Variants in TJP1 observed in about 807,000 individuals in gnomAD.
TJP1 encodes the protein tight junction protein ZO-1.
TJP1 carries 43 observed loss-of-function variants against 194.2 expected under a neutral mutation model. The ratio of observed to expected loss-of-function variants is 0.22; its 90% CI spans 0.17 to 0.29. The LOEUF (loss-of-function observed/expected upper bound fraction) is 0.29. Among genes scored for constraint, TJP1 ranks in the 10% least tolerant of loss-of-function variants. The pLI, the probability that TJP1 is intolerant of heterozygous loss-of-function variation, is 1.00. For missense variants in TJP1, 1,971 were observed against 2,185.7 expected (o/e 0.90, Z 1.96); for synonymous variants, 801 against 779.0 (o/e 1.03, Z -0.47).
At chr15:29,910,285 C>T (rs945324825) in intron 2 of TJP1, among the ~76,000 whole-genome samples, 6 of 152,190 alleles carry the variant, frequency 3.9e-5, no homozygotes, top group African/African-American at 1.4e-4. Flanking sequence ...TCTCCTTTAA[C>T]ATCAAAGTGT....
rs141258029 is a variant in TJP1 at position 29,718,727 on chromosome 15, A to T, written c.3415T>A (p.Ser1139Thr). Residue 1139 changes from serine (S) to threonine (T), a missense_variant, in exon 21 of 28, where the codon TCT becomes ACT. By Grantham distance (58) the Ser-to-Thr change is moderately conservative (BLOSUM62 1). Transcript: ENST00000614355. ...TCGTAACGTGGTCTGCTGTCGTAAG[A>T]CAGAGGGGCTGGCTCTTCAAAACGT... ...FPRFEEPAPL[S>T]YDSRPRYEQA... 1 of 1,614,082 alleles carries T rather than the reference A, an allele frequency of 6.2e-7. No individual in the cohort carries two copies.
At chr15:29,713,566 A>G (rs1046258045) in intron 23 of TJP1, among the ~76,000 whole-genome samples, 1 of 152,266 alleles carries the variant, frequency 6.6e-6, no homozygotes, top group African/African-American at 2.4e-5. Context: ...ACTGAAAGAA[A>G]GAAATGCCTG....
chr15:29,965,670 C>T (rs1331270032), intron 1 of TJP1, among the ~76,000 whole-genome samples: 3 of 152,132 alleles, frequency 2.0e-5, no homozygotes, highest in South Asian at 4.1e-4. Context: ...GCTCCATGTG[C>T]GGTTGCTATG....
chr15:29,906,810 C>T (rs1397934474), intron 2 of TJP1, among the ~76,000 whole-genome samples: 1 of 151,832 alleles, frequency 6.6e-6, no homozygotes, highest in Non-Finnish European at 1.5e-5. Flanking sequence ...GAACTCCTGA[C>T]CTCAAGTGAT....
At chr15:29,794,442 C>T (rs932880743) in intron 2 of TJP1, among the ~76,000 whole-genome samples, 1 of 152,178 alleles carries the variant, frequency 6.6e-6, no homozygotes, top group African/African-American at 2.4e-5. Context: ...ATGGAACCTA[C>T]ATTAATCATC....
At chr15:29,794,035 G>A (rs1180324368) in intron 2 of TJP1, among the ~76,000 whole-genome samples, 1 of 152,150 alleles carries the variant, frequency 6.6e-6, no homozygotes, top group Non-Finnish European at 1.5e-5. Flanking sequence ...TAGCTTTTGT[G>A]ATATAATTCT....
At chr15:29,914,636 T>C (rs2054126306) in intron 2 of TJP1, among the ~76,000 whole-genome samples, 1 of 152,010 alleles carries the variant, frequency 6.6e-6, no homozygotes, top group South Asian at 2.1e-4. Context: ...CCAGGGAACA[T>C]ATGGCTGTCA....
At position 29,724,143 on chromosome 15, in the gene TJP1, G is replaced by A. The variant is rs117879378; in HGVS notation, c.2412+2236C>T. Among the ~76,000 whole-genome samples the A allele has an allele frequency of 1.0e-3, 156 of 152,268 alleles. 5 individuals are homozygous for A. The East Asian group carries it at 0.025, about 25-fold the overall frequency. ...AAGTTGCCTGAATGGAGCTTTCCACGCAGTCCCCATGCTTGGCTCGTTAAG... is the reference window on the plus strand; with the variant it reads ...AAGTTGCCTGAATGGAGCTTTCCACACAGTCCCCATGCTTGGCTCGTTAAG... On this transcript the variant is annotated intron_variant, in intron 18 of 27. Transcript: ENST00000614355.
intron 15 of TJP1, among the ~76,000 whole-genome samples, chr15:29,731,850 C>T (rs534661845): frequency 1.2e-4 from 18 of 151,560 alleles, no homozygotes; most frequent in Non-Finnish European, 2.4e-4. Context: ...GTAAGCAAAA[C>T]GTATTTGGCA....
chr15:29,752,691 C>T (rs1188151673), intron 8 of TJP1, among the ~76,000 whole-genome samples: 1 of 152,166 alleles, frequency 6.6e-6, no homozygotes, highest in African/African-American at 2.4e-5. Context: ...TTCAGGATGT[C>T]ATCGATATTC....
intron 2 of TJP1, among the ~76,000 whole-genome samples, chr15:29,783,899 T>C (rs2047533428): frequency 6.6e-6 from 1 of 152,012 alleles, no homozygotes; most frequent in African/African-American, 2.4e-5. Flanking sequence ...CAAACCCCTG[T>C]GACACAAGTT....
intron 8 of TJP1, among the ~76,000 whole-genome samples, chr15:29,743,486 G>A (rs1275162798): frequency 6.6e-6 from 1 of 152,166 alleles, no homozygotes; most frequent in Admixed American, 6.5e-5. Context: ...AGCACTTTGG[G>A]AGGCCAAGGC....
intron 24 of TJP1, 147 bp from the exon 25 acceptor site, chr15:29,709,183 G>T: frequency 1.4e-6 from 1 of 716,714 alleles, no homozygotes; most frequent in Non-Finnish European, 2.3e-6. Flanking sequence ...GAGGCTAGGT[G>T]TGATGCTGAG....
intron 27 of TJP1, 80 bp from the exon 28 acceptor site, chr15:29,701,769 C>G: frequency 2.0e-6 from 2 of 989,766 alleles, no homozygotes; most frequent in Non-Finnish European, 3.1e-6. Context: ...AGGGCAAATA[C>G]GTATATTTAG....
rs1398677686 is a variant in TJP1 at position 29,732,614 on chromosome 15, T to C, written c.1921+17A>G. ...GACGTTAAAGGGTATTAGGTTAGTC[T>C]GTAGAAAATAAACTACCTTCTCGAA... On this transcript the variant is annotated intron_variant, in intron 14 of 27. Transcript: ENST00000614355. The C allele has an allele frequency of 1.2e-6, 2 of 1,613,638 alleles. No homozygotes were observed. Among genetic ancestry groups the C allele is most frequent in the Non-Finnish European group, 1.7e-6 (2 of 1,179,826 alleles).
In TJP1 at chr15:29,761,710, C is replaced by A. The variant is rs755775064; in HGVS notation, c.753G>T (p.Arg251Ser). The A allele has an allele frequency of 6.2e-7, 1 of 1,604,190 alleles. No homozygotes were observed. The highest frequency in any genetic ancestry group is 1.3e-5 in the African/African-American group (1 of 74,914). Residue 251 changes from arginine to serine, a missense_variant, in exon 7 of 28, where the codon AGG (arginine) becomes AGT (serine). Coordinates refer to ENST00000614355, the MANE Select transcript of TJP1 (RefSeq NM_001330239.4). ...SLTDAKTLIE[R>S]SKGKLKMVVQ... ...CTACCATTTTTAATTTGCCTTTAGA[C>A]CTTTCTATCAATGTCTTTGCATCTG...
At chr15:29,935,570 G>T (rs1341663339) in intron 2 of TJP1, among the ~76,000 whole-genome samples, 1 of 152,070 alleles carries the variant, frequency 6.6e-6, no homozygotes, top group East Asian at 1.9e-4. Flanking sequence ...TCCAGTCCTG[G>T]AATGACCCTG....
chr15:29,940,632 G>C (rs1410099025), intron 2 of TJP1, among the ~76,000 whole-genome samples: 1 of 152,100 alleles, frequency 6.6e-6, no homozygotes, highest in East Asian at 1.9e-4. Flanking sequence ...ATGATTTACT[G>C]TTCCATAACA....
At chr15:29,725,751 G>C (rs994576553) in intron 18 of TJP1, among the ~76,000 whole-genome samples, 1 of 152,186 alleles carries the variant, frequency 6.6e-6, no homozygotes, top group African/African-American at 2.4e-5. Context: ...TCAAAGCCAG[G>C]AAGGATCTAT....
Sources: gnomAD v4.1 joint callset for allele counts (sites outside exome capture counted in the v4.1 genomes callset) on GRCh38, gnomAD v4.1.1 for gene constraint, MANE v1.5 for transcripts, NCBI Gene and HGNC (gene_info 2026-07-23, HGNC 2026-07-21) for gene names.